CRB1: variants seen among roughly 807,000 people sequenced by gnomAD.
The protein encoded by CRB1 is crumbs cell polarity complex component 1, also known as protein crumbs homolog 1.
In CRB1, 83 loss-of-function variants were observed where a neutral mutation model predicts 120.0. The ratio of observed to expected loss-of-function variants is 0.69; its 90% CI spans 0.58 to 0.83. The LOEUF (loss-of-function observed/expected upper bound fraction) is 0.83, where lower values mean the gene tolerates loss of function less well. Ranked by LOEUF, CRB1 falls within the 40% of genes least tolerant of loss-of-function variation. The pLI is 0.00. For missense variants in CRB1, 1,699 were observed against 1,687.6 expected, an observed-to-expected ratio of 1.01 and a Z score of -0.12; for synonymous variants, 625 against 612.5, an observed-to-expected ratio of 1.02 and a Z score of -0.30.
chr1:197,396,698 G>A (rs1470036782), intron 5 of CRB1, among the ~76,000 whole-genome samples: 2 of 152,150 alleles, frequency 1.3e-5, no homozygotes. Flanking sequence ...AAGGTGTAAA[G>A]CGAATCTCTG....
intron 1 of CRB1, 117 bp from the exon 2 acceptor site, chr1:197,328,305 C>G: frequency 1.3e-6 from 1 of 777,160 alleles, no homozygotes; most frequent in Non-Finnish European, 2.1e-6. Flanking sequence ...TTAGGATGAA[C>G]CCAACTATGT....
intron 5 of CRB1, among the ~76,000 whole-genome samples, chr1:197,393,779 G>GATAA (rs1662631408): frequency 6.9e-6 from 1 of 144,054 alleles, no homozygotes; most frequent in African/African-American, 2.7e-5. Context: ...AAAGATTAAG[G>GATAA]CACATTTATC....
chr1:197,337,968 T>C (rs550221303), intron 2 of CRB1, among the ~76,000 whole-genome samples: 1 of 152,050 alleles, frequency 6.6e-6, no homozygotes, highest in South Asian at 2.1e-4. Context: ...TTTGCTATGA[T>C]TAAAACATAA....
chr1:197,212,323 A>T, the CRB1 span, among the ~76,000 whole-genome samples: 1 of 152,178 alleles, frequency 6.6e-6, no homozygotes, highest in Admixed American at 6.5e-5. Context: ...TACACAAAAG[A>T]TCATGACAGA....
chr1:197,297,022 A>G (rs779305453), intron 1 of CRB1, among the ~76,000 whole-genome samples: 1 of 151,876 alleles, frequency 6.6e-6, no homozygotes, highest in African/African-American at 2.4e-5. Context: ...TCCTTGATTG[A>G]CTTCCTCTCT....
At chr1:197,335,417 A>AG in intron 2 of CRB1, among the ~76,000 whole-genome samples, 1 of 152,342 alleles carries the variant, frequency 6.6e-6, no homozygotes, top group Admixed American at 6.5e-5. Flanking sequence ...TGTCTAAGGG[A>AG]GGTTAATACA....
chr1:197,467,529 T>C (rs953746591), intron 11 of CRB1, among the ~76,000 whole-genome samples: 1 of 152,182 alleles, frequency 6.6e-6, no homozygotes, highest in East Asian at 1.9e-4. Context: ...ATTTTTTAAA[T>C]CCAGGATACA....
intron 1 of CRB1, among the ~76,000 whole-genome samples, chr1:197,297,010 C>T (rs1227382369): frequency 6.6e-6 from 1 of 152,020 alleles, no homozygotes; most frequent in Non-Finnish European, 1.5e-5. Flanking sequence ...ACACAAGTCT[C>T]CTCCTTGATT....
upstream of CRB1, among the ~76,000 whole-genome samples, chr1:197,263,907 C>T (rs951239943): frequency 3.3e-5 from 5 of 151,902 alleles, no homozygotes; most frequent in East Asian, 1.9e-4. Context: ...AGTTTATTTT[C>T]GAATAGGCCT....
chr1:197,264,397 A>G (rs139515726), upstream of CRB1, among the ~76,000 whole-genome samples: 754 of 152,180 alleles, frequency 5.0e-3, 10 homozygotes, highest in African/African-American at 0.017. Context: ...GGTTAGTTCT[A>G]TATCTTTGCT....
At chr1:197,351,375 A>G (rs1052561678) in intron 4 of CRB1, among the ~76,000 whole-genome samples, 4 of 150,946 alleles carry the variant, frequency 2.6e-5, no homozygotes, top group South Asian at 2.1e-4. Context: ...AAAAAAAAAA[A>G]AAAAAAAAAA....
chr1:197,463,668 AC>A (rs1324852793), intron 11 of CRB1, among the ~76,000 whole-genome samples: 1 of 152,218 alleles, frequency 6.6e-6, no homozygotes, highest in African/African-American at 2.4e-5. Context: ...TCTTTTAAAT[AC>A]ATGCAATAAT....
chr1:197,285,851 G>T (rs186886053), intron 1 of CRB1, among the ~76,000 whole-genome samples: 2 of 152,014 alleles, frequency 1.3e-5, no homozygotes, highest in East Asian at 1.9e-4. Flanking sequence ...GGATAGAGTT[G>T]AAACATTCTC....
chr1:197,425,355 T>C lies in CRB1; in HGVS notation c.2129-2099T>C, dbSNP rs74728683. On this transcript the variant is annotated intron_variant, in intron 6 of 11. Transcript: ENST00000367400. ...AAATCAAGTCAGAGTTCTGAAAATA[T>C]AGCCTTTTATGCAGAAGATCTTCAA... Among the ~76,000 whole-genome samples the C allele has an allele frequency of 6.2e-3, 949 of 152,320 alleles. 8 individuals carry two copies. The highest frequency in any genetic ancestry group is 0.012 in the Admixed American group (188 of 15,292).
chr1:197,322,624 A>G (rs1373987772), intron 1 of CRB1, among the ~76,000 whole-genome samples: 1 of 152,164 alleles, frequency 6.6e-6, no homozygotes, highest in Non-Finnish European at 1.5e-5. Context: ...AGCTCACATT[A>G]TACTTCCATT....
chr1:197,256,333 C>T, the CRB1 span, among the ~76,000 whole-genome samples: 1,094 of 151,830 alleles, frequency 7.2e-3, 10 homozygotes, highest in African/African-American at 0.024. Context: ...GGGAGTAGTC[C>T]TTGTTGCTTC....
At chr1:197,424,736 T>C (rs1664497795) in intron 6 of CRB1, among the ~76,000 whole-genome samples, 3 of 152,234 alleles carry the variant, frequency 2.0e-5, no homozygotes, top group South Asian at 2.1e-4. Context: ...TCTAATCTTA[T>C]AAACGCACAT....
chr1:197,376,523 C>T (rs2125392154), intron 5 of CRB1, among the ~76,000 whole-genome samples: 1 of 152,238 alleles, frequency 6.6e-6, no homozygotes, highest in East Asian at 1.9e-4. Flanking sequence ...AAATTCAAAG[C>T]CGTATTTGGT....
At chr1:197,306,938 G>A (rs554628057) in intron 1 of CRB1, among the ~76,000 whole-genome samples, 15 of 152,120 alleles carry the variant, frequency 9.9e-5, no homozygotes, top group African/African-American at 3.4e-4. Flanking sequence ...GCAGCACACT[G>A]AAAAAAGGAG....
Sources: allele counts gnomAD v4.1 joint callset (sites outside exome capture counted in the v4.1 genomes callset), GRCh38; gene constraint gnomAD v4.1.1; transcripts MANE v1.5; gene names NCBI Gene and HGNC (gene_info 2026-07-23, HGNC 2026-07-21).